Variants in TMEM163 observed in about 807,000 individuals in gnomAD.
The protein encoded by TMEM163 is transmembrane protein 163.
In TMEM163, 17 loss-of-function variants were observed where a neutral mutation model predicts 29.3. The observed-to-expected ratio is 0.58, with a 90% CI of 0.40 to 0.87. The LOEUF is 0.87. Ranked by LOEUF, TMEM163 falls within the 40% of genes least tolerant of loss-of-function variation. The probability of loss-of-function intolerance (pLI) is 0.00; values close to 1 mark genes in which losing one functional copy is unlikely to be tolerated. For missense variants in TMEM163, 303 were observed against 381.5 expected (o/e 0.79, Z 1.71); for synonymous variants, 157 against 160.6 (o/e 0.98, Z 0.17).
intron 2 of TMEM163, among the ~76,000 whole-genome samples, chr2:134,580,112 A>G (rs763541247): frequency 7.9e-5 from 12 of 152,368 alleles, no homozygotes; most frequent in Non-Finnish European, 1.5e-4. Context: ...GAAGTATTTT[A>G]CCTGTCCAAT....
chr2:134,513,465 G>A (rs941271454), intron 4 of TMEM163, among the ~76,000 whole-genome samples: 6 of 152,174 alleles, frequency 3.9e-5, no homozygotes, highest in Non-Finnish European at 7.3e-5. Flanking sequence ...AAGGTTCCAC[G>A]ACGGATCCAG....
At chr2:134,592,918 A>G (rs1681971882) in intron 2 of TMEM163, among the ~76,000 whole-genome samples, 1 of 93,626 alleles carries the variant, frequency 1.1e-5, no homozygotes, top group African/African-American at 4.1e-5. Context: ...TGGAAATGAG[A>G]GAGTTAGAAA....
At chr2:134,663,892 G>A (rs768121301) in intron 2 of TMEM163, among the ~76,000 whole-genome samples, 1 of 152,236 alleles carries the variant, frequency 6.6e-6, no homozygotes, top group Non-Finnish European at 1.5e-5. Flanking sequence ...ACAGTAGGAA[G>A]CTGTCTCCAC....
At chr2:134,669,156 T>C (rs1237966517) in intron 2 of TMEM163, among the ~76,000 whole-genome samples, 1 of 152,226 alleles carries the variant, frequency 6.6e-6, no homozygotes, top group East Asian at 1.9e-4. Context: ...GACCAGGATA[T>C]GCTGGCACTA....
intron 2 of TMEM163, among the ~76,000 whole-genome samples, chr2:134,637,675 A>C (rs1272126783): frequency 6.6e-6 from 1 of 152,150 alleles, no homozygotes; most frequent in East Asian, 1.9e-4. Context: ...GCAAACACTT[A>C]TTCCTTAAAT....
chr2:134,593,028 G>C (rs1681973795), intron 2 of TMEM163, among the ~76,000 whole-genome samples: 2 of 152,198 alleles, frequency 1.3e-5, no homozygotes, highest in Admixed American at 1.3e-4. Flanking sequence ...TGTTTTATTG[G>C]GAATACAAGA....
At position 134,655,194 on chromosome 2, in the gene TMEM163, G is replaced by A. The variant is rs1159497257; in HGVS notation, c.322+58006C>T. 9.9e-5 allele frequency among the ~76,000 whole-genome samples: 14 copies of A among 140,780 alleles called. 2 individuals carry two copies. The highest frequency in any genetic ancestry group is 6.9e-3 in the Middle Eastern group (2 of 288). The allele number at this position is 140,780 out of a possible 152,430, so 92.4% of individuals were successfully genotyped here. A position where few individuals can be genotyped will look rare whatever the true frequency, so the allele number is the denominator to read the frequency against. On this transcript the variant is annotated intron_variant, in intron 2 of 7. Coordinates refer to ENST00000281924, the MANE Select transcript of TMEM163 (RefSeq NM_030923.5). The stretch of plus-strand genomic sequence containing the variant: ...TCACTTTCAGGTACACCAATCAGAC[G>A]TAGATTTGGTCTTTTCACATAGTCC...
chr2:134,559,597 T>C (rs1163724738), intron 2 of TMEM163, among the ~76,000 whole-genome samples: 1 of 152,148 alleles, frequency 6.6e-6, no homozygotes, highest in East Asian at 1.9e-4. Flanking sequence ...AAGCAAGTGT[T>C]TGTCTCAGGC....
At chr2:134,518,935 C>A (rs1251903401) in intron 4 of TMEM163, among the ~76,000 whole-genome samples, 1 of 152,158 alleles carries the variant, frequency 6.6e-6, no homozygotes, top group Non-Finnish European at 1.5e-5. Flanking sequence ...GAAAGCAAGA[C>A]AATTGGGAGA....
intron 2 of TMEM163, among the ~76,000 whole-genome samples, chr2:134,660,599 G>A (rs886483451): frequency 3.9e-5 from 6 of 152,192 alleles, no homozygotes; most frequent in South Asian, 2.1e-4. Flanking sequence ...CCCTGTAGGA[G>A]GTACAGATTT....
At chr2:134,627,566 AT>A (rs1390557517) in intron 2 of TMEM163, among the ~76,000 whole-genome samples, 1 of 152,130 alleles carries the variant, frequency 6.6e-6, no homozygotes, top group African/African-American at 2.4e-5. Flanking sequence ...CAGATGGCTT[AT>A]TTTTTTACAT....
intron 7 of TMEM163, among the ~76,000 whole-genome samples, chr2:134,457,732 G>A (rs1686431502): frequency 6.6e-6 from 1 of 152,238 alleles, no homozygotes; most frequent in East Asian, 1.9e-4. Flanking sequence ...GACTGTCAGA[G>A]AGGAAGGAGC....
intron 2 of TMEM163, among the ~76,000 whole-genome samples, chr2:134,691,693 C>G (rs1453663067): frequency 1.3e-5 from 2 of 152,190 alleles, no homozygotes; most frequent in African/African-American, 4.8e-5. Flanking sequence ...TCTTGGCAAC[C>G]TGGCTTCCTT....
At chr2:134,516,774 TCTATTC>T (rs370595348) in intron 4 of TMEM163, among the ~76,000 whole-genome samples, 20 of 148,298 alleles carry the variant, frequency 1.3e-4, no homozygotes, top group Admixed American at 3.4e-4. Context: ...TATGTGCATA[TCTATTC>T]ATATATATAT....
intron 2 of TMEM163, among the ~76,000 whole-genome samples, chr2:134,686,994 A>C (rs1018866183): frequency 3.9e-5 from 6 of 152,212 alleles, no homozygotes; most frequent in Non-Finnish European, 7.3e-5. Context: ...ATTTTTTCAC[A>C]ATGGGCAATA....
intron 7 of TMEM163, 48 bp downstream of exon 7, chr2:134,457,984 G>A (rs1304129484): frequency 6.2e-7 from 1 of 1,611,386 alleles, no homozygotes; most frequent in Admixed American, 1.7e-5. Flanking sequence ...GTGGAAAAGG[G>A]ACACTCCTAG....
At chr2:134,491,368 G>A (rs1240681894) in intron 5 of TMEM163, among the ~76,000 whole-genome samples, 1 of 152,126 alleles carries the variant, frequency 6.6e-6, no homozygotes, top group Non-Finnish European at 1.5e-5. Context: ...TGGGGGTGGG[G>A]AGTTCACCCC....
At chr2:134,523,103 A>G (rs1363391410) in intron 4 of TMEM163, among the ~76,000 whole-genome samples, 1 of 152,244 alleles carries the variant, frequency 6.6e-6, no homozygotes, top group Non-Finnish European at 1.5e-5. Context: ...GGTCTTACAG[A>G]TAAGACTGAA....
At chr2:134,547,472 G>T (rs551929318) in intron 4 of TMEM163, among the ~76,000 whole-genome samples, 1 of 152,280 alleles carries the variant, frequency 6.6e-6, no homozygotes, top group South Asian at 2.1e-4. Flanking sequence ...AGGGCCAGTT[G>T]CATATTTTCC....
Sources: gnomAD v4.1 joint callset for allele counts (sites outside exome capture counted in the v4.1 genomes callset) on GRCh38, gnomAD v4.1.1 for gene constraint, MANE v1.5 for transcripts, NCBI Gene and HGNC (gene_info 2026-07-23, HGNC 2026-07-21) for gene names.